CAND1: variants seen among roughly 807,000 people sequenced by gnomAD.
CAND1 encodes cullin associated and neddylation dissociated 1.
Under a neutral mutation model 108.5 loss-of-function variants are expected in CAND1, and 7 were observed. The ratio of observed to expected loss-of-function variants is 0.06; its 90% CI spans 0.04 to 0.12. CAND1 has a LOEUF of 0.12. Ranked by LOEUF, CAND1 falls within the 10% of genes least tolerant of loss-of-function variation. The pLI is 1.00. For missense variants in CAND1, 941 were observed against 1,448.7 expected (o/e 0.65, Z 5.69); for synonymous variants, 534 against 512.0 (o/e 1.04, Z -0.58).
chr12:67,297,149 T>A, intron 4 of CAND1: 1 of 518,652 alleles, frequency 1.9e-6, no homozygotes, highest in Non-Finnish European at 3.4e-6. Flanking sequence ...ATCAATTAGA[T>A]ATCCTATAAT....
intron 1 of CAND1, among the ~76,000 whole-genome samples, chr12:67,273,549 C>T (rs1052598471): frequency 2.0e-5 from 3 of 149,478 alleles, no homozygotes; most frequent in Non-Finnish European, 4.4e-5. Flanking sequence ...GGCACCACCT[C>T]AACTCACTGC....
intron 6 of CAND1, 35 bp downstream of exon 6, chr12:67,297,888 T>C: frequency 7.5e-7 from 1 of 1,337,568 alleles, no homozygotes; most frequent in Non-Finnish European, 1.1e-6. Flanking sequence ...TTACAAAAAG[T>C]TTTTCCTTAA....
chr12:67,283,883 TG>T (rs1187011265), intron 2 of CAND1, among the ~76,000 whole-genome samples: 1 of 152,002 alleles, frequency 6.6e-6, no homozygotes, highest in African/African-American at 2.4e-5. Flanking sequence ...TTAGAGGAGT[TG>T]GGGAGAAATA....
chr12:67,277,062 G>A (rs1348245355), intron 1 of CAND1, among the ~76,000 whole-genome samples: 5 of 152,176 alleles, frequency 3.3e-5, no homozygotes, highest in Non-Finnish European at 1.5e-5. Flanking sequence ...GGATATGTTA[G>A]CTGACTGTAT....
In CAND1 at chr12:67,313,044, C is replaced by A. The variant is rs1194474267; in HGVS notation, c.*214C>A. 1.1e-5 allele frequency: 5 copies of A among 440,978 alleles called. No homozygotes were observed. Among genetic ancestry groups the A allele is most frequent in the Non-Finnish European group, 2.0e-5 (5 of 247,018 alleles). The allele number at this position is 440,978 out of a possible 1,614,324, so 27.3% of individuals were successfully genotyped here. A position where few individuals can be genotyped will look rare whatever the true frequency, so the allele number is the denominator to read the frequency against. On this transcript the variant is annotated 3_prime_UTR_variant, in exon 15 of 15. Coordinates refer to ENST00000545606, the MANE Select transcript of CAND1 (RefSeq NM_018448.5). ...TTTCCATAATCCAGAGGTTGTAAAA[C>A]CACTAGTGTTTTAGTGGTTACAGCA...
At chr12:67,290,841 G>A (rs1382852341) in intron 2 of CAND1, among the ~76,000 whole-genome samples, 1 of 152,172 alleles carries the variant, frequency 6.6e-6, no homozygotes, top group Non-Finnish European at 1.5e-5. Flanking sequence ...AGAGCAGAGG[G>A]CGAGCCAGCA....
intron 9 of CAND1, 31 bp downstream of exon 9, chr12:67,304,777 C>T (rs1170240244): frequency 5.0e-6 from 8 of 1,606,270 alleles, no homozygotes; most frequent in Non-Finnish European, 5.1e-6. Context: ...TCTTTTGGGA[C>T]TTATTGTAGC....
At chr12:67,277,848 G>A (rs2044584163) in intron 1 of CAND1, among the ~76,000 whole-genome samples, 1 of 151,992 alleles carries the variant, frequency 6.6e-6, no homozygotes, top group Admixed American at 6.5e-5. Context: ...ACCTAAGTCA[G>A]GCCATCATAA....
chr12:67,288,831 G>A (rs985808860), intron 2 of CAND1, among the ~76,000 whole-genome samples: 7 of 152,216 alleles, frequency 4.6e-5, no homozygotes, highest in Admixed American at 4.6e-4. Flanking sequence ...ACTGCTTGTT[G>A]AGAAGAGGGC....
At chr12:67,270,920 A>G (rs1260460701) in intron 1 of CAND1, 2 of 152,200 alleles carry the variant, frequency 1.3e-5, no homozygotes, top group Non-Finnish European at 1.5e-5. Flanking sequence ...TTTGTTTTGT[A>G]TGAACAATAT....
chr12:67,319,542 A>G lies in CAND1; in HGVS notation c.*6712A>G, dbSNP rs17103691. 9,767 of 152,164 alleles carry G rather than the reference A, an allele frequency of 0.064. 376 individuals are homozygous for G. Among genetic ancestry groups the G allele is most frequent in the African/African-American group, 0.093 (3,860 of 41,506 alleles). 9.4% of individuals were successfully genotyped at this position (152,164 alleles called of 1,614,324 possible). Reference sequence around the variant, plus strand: ...CATTTTCAGGCACGTAATATTGTCAAATTCCTTTTAAAAGCACCTGTCTGT... The same window carrying G: ...CATTTTCAGGCACGTAATATTGTCAGATTCCTTTTAAAAGCACCTGTCTGT... On this transcript the variant is annotated 3_prime_UTR_variant, in exon 15 of 15. Transcript: ENST00000545606.
Position 67,302,501 on chromosome 12 carries a change from T to C in CAND1, c.1179T>C (p.Asp393=), listed in dbSNP as rs758656135. The part of the protein sequence containing the change: ...FKEREENVKA[D]VFHAYLSLLK... Reference sequence around the variant, plus strand: ...AGCGTGAAGAGAATGTAAAGGCAGATGTTTTTCACGCATACCTTTCTCTTT... The same window carrying C: ...AGCGTGAAGAGAATGTAAAGGCAGACGTTTTTCACGCATACCTTTCTCTTT... Residue 393 remains aspartate (D), a synonymous_variant, in exon 8 of 15, where the codon GAT becomes GAC. Transcript: ENST00000545606. 6.2e-7 allele frequency: 1 copy of C among 1,614,162 alleles called. No individual in the cohort carries two copies. The highest frequency in any genetic ancestry group is 1.1e-5 in the South Asian group (1 of 91,088).
At position 67,269,555 on chromosome 12, in the gene CAND1, G is replaced by A. The variant is rs2044495726; in HGVS notation, c.-163G>A. ...CCCACGCCTCGCCAGGGAGGGGGCA[G>A]CCCGTCGAGGCGCCTCCCTAGTCAG... On this transcript the variant is annotated 5_prime_UTR_variant, in exon 1 of 15. Transcript: ENST00000545606. 1.7e-6 allele frequency: 1 copy of A among 590,426 alleles called. No homozygotes were observed. The highest frequency in any genetic ancestry group is 3.6e-5 in the Admixed American group (1 of 27,812). The allele number at this position is 590,426 out of a possible 1,614,324, so 36.6% of individuals were successfully genotyped here. A position where few individuals can be genotyped will look rare whatever the true frequency, so the allele number is the denominator to read the frequency against.
At position 67,310,322 on chromosome 12, in the gene CAND1, A is replaced by T. The variant is rs1469376129; in HGVS notation, c.3360+6A>T. ...AGGACCATTATGATATTAAGGTAAG[A>T]TGTTTGTGCCTATTTATACAATGTT... is the stretch of plus-strand genomic sequence containing the variant. On this transcript the variant is annotated splice_donor_region_variant and intron_variant, in intron 13 of 14. Coordinates refer to ENST00000545606, the MANE Select transcript of CAND1 (RefSeq NM_018448.5). 2.5e-6 allele frequency: 4 copies of T among 1,585,980 alleles called. No homozygotes were observed. The highest frequency in any genetic ancestry group is 3.5e-6 in the Non-Finnish European group (4 of 1,159,058).
chr12:67,300,864 T>C (rs2044818391), intron 7 of CAND1, among the ~76,000 whole-genome samples: 1 of 152,184 alleles, frequency 6.6e-6, no homozygotes, highest in East Asian at 1.9e-4. Flanking sequence ...TAGCAATGTA[T>C]ATTCCAGGTT....
intron 6 of CAND1, among the ~76,000 whole-genome samples, chr12:67,298,353 T>C (rs1395876076): frequency 2.8e-5 from 4 of 142,158 alleles, no homozygotes; most frequent in Non-Finnish European, 5.9e-5. Context: ...TCCTCTTGAC[T>C]AATGCAGTAG....
intron 14 of CAND1, among the ~76,000 whole-genome samples, chr12:67,312,001 T>C (rs2044955479): frequency 6.6e-6 from 1 of 152,186 alleles, no homozygotes; most frequent in Non-Finnish European, 1.5e-5. Flanking sequence ...TTTATTGCTA[T>C]ATCAATATGT....
chr12:67,316,861 T>G lies in CAND1; in HGVS notation c.*4031T>G, dbSNP rs1255384866. On this transcript the variant is annotated 3_prime_UTR_variant, in exon 15 of 15. Transcript: ENST00000545606. ...CTCTCAAAAAAATAGTAAAGAATTG[T>G]ACTTCAGGGCCAGATGGCAGCTCAC... is the stretch of plus-strand genomic sequence containing the variant. The G allele has an allele frequency of 2.0e-5, 3 of 152,140 alleles. No homozygotes were observed. The highest frequency in any genetic ancestry group is 4.8e-5 in the African/African-American group (2 of 41,434). 9.4% of individuals were successfully genotyped at this position (152,140 alleles called of 1,614,324 possible).
chr12:67,307,467 T>C lies in CAND1; in HGVS notation c.3000T>C (p.Ile1000=). Residue 1000 remains isoleucine (I), a synonymous_variant, in exon 11 of 15, where the codon ATT becomes ATC. Transcript: ENST00000545606. ...CAATTTCTGACCATCCACAACCTATTGATCCACTGTTAAAGAACTGCATAG... is the reference window on the plus strand; with the variant it reads ...CAATTTCTGACCATCCACAACCTATCGATCCACTGTTAAAGAACTGCATAG... The part of the protein sequence containing the change: ...KFTISDHPQP[I]DPLLKNCIGD... 1 of 1,609,392 alleles carries C rather than the reference T, an allele frequency of 6.2e-7. No homozygotes were observed. The highest frequency in any genetic ancestry group is 1.3e-5 in the African/African-American group (1 of 74,966).
Sources: allele counts gnomAD v4.1 joint callset (sites outside exome capture counted in the v4.1 genomes callset), GRCh38; gene constraint gnomAD v4.1.1; transcripts MANE v1.5; gene names NCBI Gene and HGNC (gene_info 2026-07-23, HGNC 2026-07-21).